The following PTPRC variants were observed in gnomAD, a reference collection of about 807,000 sequenced individuals.
PTPRC encodes receptor-type tyrosine-protein phosphatase C.
A neutral mutation model predicts 155.9 loss-of-function variants in PTPRC; 44 were observed. The ratio of observed to expected loss-of-function variants is 0.28; its 90% CI spans 0.22 to 0.36. The LOEUF (loss-of-function observed/expected upper bound fraction) is 0.36, where lower values mean the gene tolerates loss of function less well. Among genes scored for constraint, PTPRC ranks in the 10% least tolerant of loss-of-function variants. The pLI, the probability that PTPRC is intolerant of heterozygous loss-of-function variation, is 1.00. For synonymous variants in PTPRC, 525 were observed against 533.1 expected, an observed-to-expected ratio of 0.98 and a Z score of 0.21; for missense variants, 1,401 against 1,564.6, an observed-to-expected ratio of 0.90 and a Z score of 1.76.
chr1:198,726,375 C>A (rs865844971), intron 15 of PTPRC, among the ~76,000 whole-genome samples: 89 of 152,276 alleles, frequency 5.8e-4, no homozygotes, highest in African/African-American at 2.0e-3. Context: ...AACTTCTTCC[C>A]TAAAAATGTT....
intron 31 of PTPRC, among the ~76,000 whole-genome samples, 181 bp from the exon 32 acceptor site, chr1:198,754,088 T>C (rs556322058): frequency 4.3e-4 from 66 of 152,072 alleles, no homozygotes; most frequent in Admixed American, 2.4e-3. Context: ...CACTCTTAAA[T>C]TGAAAAATTT....
chr1:198,684,659 C>T (rs1665518941), intron 2 of PTPRC, among the ~76,000 whole-genome samples: 1 of 151,780 alleles, frequency 6.6e-6, no homozygotes, highest in African/African-American at 2.4e-5. Flanking sequence ...TATTGTAGTG[C>T]TGTTTCTTTA....
At chr1:198,701,463 G>T (rs1298871747) in intron 5 of PTPRC, among the ~76,000 whole-genome samples, 1 of 152,052 alleles carries the variant, frequency 6.6e-6, no homozygotes, top group Non-Finnish European at 1.5e-5. Flanking sequence ...CTTGAATAGA[G>T]GGCAGCTCAT....
intron 10 of PTPRC, among the ~76,000 whole-genome samples, chr1:198,708,827 A>G (rs1035282671): frequency 6.6e-6 from 1 of 152,216 alleles, no homozygotes; most frequent in Non-Finnish European, 1.5e-5. Flanking sequence ...GTGTATTTGA[A>G]TTTAATGAGG....
Position 198,718,136 on chromosome 1 carries a change from A to G in PTPRC, c.1493A>G (p.Asp498Gly), listed in dbSNP as rs1457312106. Residue 498 changes from aspartate to glycine, a missense_variant, in exon 14 of 33, where the codon GAT becomes GGT. Around this residue, in one of 3 missense-constraint regions of PTPRC, gnomAD observed 867 missense variants for 970.4 expected, o/e 0.89. Transcript: ENST00000442510. The stretch of plus-strand genomic sequence containing the variant: ...AACATGACTGTCTCCATGACATCAG[A>G]TAATAGTATGCATGTCAAGTGTAGG... ...VWNMTVSMTS[D>G]NSMHVKCRPP... is the part of the protein sequence containing the mutation. 1 of 1,613,840 alleles carries G rather than the reference A, an allele frequency of 6.2e-7. No homozygotes were observed. The highest frequency in any genetic ancestry group is 2.2e-5 in the East Asian group (1 of 44,868).
At chr1:198,692,785 CTTTAAGAGTA>C (rs1254867550) in intron 3 of PTPRC, 1 of 914,930 alleles carries the variant, frequency 1.1e-6, no homozygotes, top group African/African-American at 1.8e-5. Flanking sequence ...GTCTATATTT[CTTTAAGAGTA>C]TGTTGCTTTT....
chr1:198,655,152 G>A (rs547154949), intron 2 of PTPRC, among the ~76,000 whole-genome samples: 2 of 151,734 alleles, frequency 1.3e-5, no homozygotes, highest in African/African-American at 4.8e-5. Context: ...TGAGAGACAA[G>A]TATTGTTCAA....
intron 9 of PTPRC, among the ~76,000 whole-genome samples, chr1:198,707,158 A>G (rs898270349): frequency 1.3e-5 from 2 of 152,170 alleles, no homozygotes; most frequent in Non-Finnish European, 2.9e-5. Context: ...ACATCCATTA[A>G]TCACCACTTC....
chr1:198,703,499 A>G (rs1378311912), intron 7 of PTPRC, 127 bp downstream of exon 7: 41 of 1,440,262 alleles, frequency 2.8e-5, no homozygotes, highest in Non-Finnish European at 3.6e-5. Context: ...TTGAATCCTG[A>G]GGGTGATGGA....
At chr1:198,696,326 A>AT (rs1011607930) in intron 3 of PTPRC, among the ~76,000 whole-genome samples, 12 of 151,654 alleles carry the variant, frequency 7.9e-5, no homozygotes, top group Admixed American at 7.9e-4. Context: ...CAACTTTTTA[A>AT]TTTTTTTAAT....
At position 198,696,699 on chromosome 1, in the gene PTPRC, CATTA is replaced by C; in HGVS notation, c.101-7_101-4del. The C allele has an allele frequency of 6.2e-7, 1 of 1,608,464 alleles. No homozygotes were observed. On this transcript the variant is annotated splice_polypyrimidine_tract_variant and intron_variant, in intron 3 of 32. Transcript: ENST00000442510. ...TTTATTTTGTCCTTCTCCCATTTTCCATTAATTAACAGGATTGACTACAGCAAAG... is the reference window on the plus strand; with the variant it reads ...TTTATTTTGTCCTTCTCCCATTTTCCATTAACAGGATTGACTACAGCAAAG...
intron 25 of PTPRC, among the ~76,000 whole-genome samples, chr1:198,743,578 C>CA (rs1431342071): frequency 2.0e-5 from 3 of 151,366 alleles, no homozygotes; most frequent in Admixed American, 6.6e-5. Flanking sequence ...CATTGGATTA[C>CA]AAAAAAATAA....
At chr1:198,741,838 C>A in intron 23 of PTPRC, 31 bp from the exon 24 acceptor site, 1 of 1,601,956 alleles carries the variant, frequency 6.2e-7, no homozygotes, top group South Asian at 1.1e-5. Flanking sequence ...TTAAAAAAAT[C>A]ATCTCAAAGA....
chr1:198,658,649 C>T (rs138138991), intron 2 of PTPRC, among the ~76,000 whole-genome samples: 24 of 152,082 alleles, frequency 1.6e-4, no homozygotes, highest in Admixed American at 1.1e-3. Flanking sequence ...TCTCCTCTCA[C>T]CCCTGAAAAG....
Position 198,754,263 on chromosome 1 carries a change from T to C in PTPRC, c.3510-6T>C. The C allele has an allele frequency of 1.2e-6, 2 of 1,606,640 alleles. No homozygotes were observed. The highest frequency in any genetic ancestry group is 1.7e-6 in the Non-Finnish European group (2 of 1,173,854). ...GATTATTTTCTATCTTTTCTTTCTT[T>C]TATAGGGATGGATCTCAGCAAACGG... is the stretch of plus-strand genomic sequence containing the variant. On this transcript the variant is annotated splice_polypyrimidine_tract_variant and splice_region_variant and intron_variant, in intron 31 of 32. Transcript: ENST00000442510.
At chr1:198,641,891 G>A (rs1476767833) in intron 2 of PTPRC, among the ~76,000 whole-genome samples, 6 of 152,010 alleles carry the variant, frequency 3.9e-5, no homozygotes, top group Non-Finnish European at 5.9e-5. Flanking sequence ...TATATCTCAT[G>A]TTATAAACAT....
At chr1:198,706,636 G>T in intron 8 of PTPRC, 98 bp from the exon 9 acceptor site, 1 of 1,308,934 alleles carries the variant, frequency 7.6e-7, no homozygotes, top group Non-Finnish European at 1.1e-6. Flanking sequence ...CATGTTTTTT[G>T]GGGATATTTG....
intron 15 of PTPRC, among the ~76,000 whole-genome samples, chr1:198,728,007 C>T (rs1198648998): frequency 1.3e-5 from 2 of 152,028 alleles, no homozygotes; most frequent in African/African-American, 4.8e-5. Flanking sequence ...GGATTACCTC[C>T]TTGATCCCTT....
chr1:198,640,698 T>C (rs1191913178), intron 2 of PTPRC, among the ~76,000 whole-genome samples: 2 of 151,992 alleles, frequency 1.3e-5, no homozygotes, highest in East Asian at 1.9e-4. Context: ...CATTTAAAAT[T>C]CCCACTCAGG....
Sources: gnomAD v4.1 joint callset for allele counts (sites outside exome capture counted in the v4.1 genomes callset) on GRCh38, gnomAD v4.1.1 for gene constraint, gnomAD v4.1.1 regional missense constraint, MANE v1.5 for transcripts, NCBI Gene and HGNC (gene_info 2026-07-23, HGNC 2026-07-21) for gene names.